GABRR3: variants seen among roughly 807,000 people sequenced by gnomAD.
GABRR3 encodes the protein gamma-aminobutyric acid receptor subunit rho-3.
A neutral mutation model predicts 43.2 loss-of-function variants in GABRR3; 29 were observed. The ratio of observed to expected loss-of-function variants is 0.67; its 90% CI spans 0.50 to 0.92. The LOEUF (loss-of-function observed/expected upper bound fraction) is 0.92, where lower values mean the gene tolerates loss of function less well. Ranked by LOEUF, GABRR3 falls within the 40% of genes least tolerant of loss-of-function variation. The pLI is 0.00. For synonymous variants in GABRR3, 206 were observed against 195.9 expected (o/e 1.05, Z -0.43); for missense variants, 576 against 572.3 (o/e 1.01, Z -0.07).
rs981083908 is a variant in GABRR3 at position 98,001,501 on chromosome 3, G to A, written c.907+114C>T. ...TACTGCAACCTGGATGTTCATCTCT[G>A]ACTATCCCTACTAAACCACCACTCT... On this transcript the variant is annotated intron_variant, in intron 8 of 9. Coordinates refer to ENST00000621172, the Ensembl canonical transcript of GABRR3. 19 of 1,113,288 alleles carry A rather than the reference G, an allele frequency of 1.7e-5. No individual in the cohort carries two copies. The African/African-American group carries it at 2.8e-4, about 17-fold the overall frequency. 69.0% of individuals were successfully genotyped at this position (1,113,288 alleles called of 1,614,324 possible). A position where few individuals can be genotyped will look rare whatever the true frequency, so the allele number is the denominator to read the frequency against.
chr3:98,018,129 G>A (rs1706896551), intron 3 of GABRR3, among the ~76,000 whole-genome samples: 1 of 151,880 alleles, frequency 6.6e-6, no homozygotes, highest in South Asian at 2.1e-4. Context: ...TATGGTAATG[G>A]TCATATCTCA....
chr3:97,991,575 G>A (rs911405182), intron 9 of GABRR3, among the ~76,000 whole-genome samples: 2 of 152,218 alleles, frequency 1.3e-5, no homozygotes, highest in Non-Finnish European at 2.9e-5. Context: ...TTGACTCAAA[G>A]GATGTAAAAT....
At chr3:98,018,450 T>A (rs895039662) in intron 3 of GABRR3, among the ~76,000 whole-genome samples, 5 of 152,178 alleles carry the variant, frequency 3.3e-5, no homozygotes, top group Non-Finnish European at 7.3e-5. Flanking sequence ...CTGACACTTG[T>A]ACAGTTGAGT....
intron 2 of GABRR3, among the ~76,000 whole-genome samples, chr3:98,033,243 C>T (rs934250782): frequency 7.2e-5 from 11 of 152,148 alleles, no homozygotes; most frequent in African/African-American, 2.4e-4. Context: ...CCCATTCTGG[C>T]TTGTGACTCA....
chr3:98,032,119 A>ATAGTATAGTATAGTATAGTG (rs1553720653), intron 2 of GABRR3, among the ~76,000 whole-genome samples: 1 of 140,692 alleles, frequency 7.1e-6, no homozygotes, highest in African/African-American at 2.6e-5. Context: ...ATAGTATAGT[A>ATAGTATAGTATAGTATAGTG]TAGTAATGGT....
chr3:98,004,308 T>A (rs563078089), intron 7 of GABRR3, among the ~76,000 whole-genome samples: 14 of 152,300 alleles, frequency 9.2e-5, no homozygotes, highest in African/African-American at 3.4e-4. Context: ...TATGACATCA[T>A]GTATCCTCAC....
chr3:97,997,298 A>G (rs986515156), intron 8 of GABRR3: 1 of 152,206 alleles, frequency 6.6e-6, no homozygotes, highest in Non-Finnish European at 1.5e-5. Flanking sequence ...GAAGGACACA[A>G]TTCCAGATTC....
In GABRR3 at chr3:98,026,224, G is replaced by A. The variant is rs145063531; in HGVS notation, c.126-545C>T. On this transcript the variant is annotated intron_variant, in intron 2 of 9. Transcript: ENST00000621172. ...GCAGAAAATACAGGGTGCAGGCTGA[G>A]AGCGCACCGGGCAGAATTCCCATCC... Among the ~76,000 whole-genome samples, 677 of 152,332 alleles carry A rather than the reference G, an allele frequency of 4.4e-3. 1 individual carries two copies. Among genetic ancestry groups the A allele is most frequent in the Non-Finnish European group, 8.0e-3 (544 of 68,022 alleles).
intron 4 of GABRR3, among the ~76,000 whole-genome samples, chr3:98,016,898 C>T (rs535486806): frequency 3.3e-4 from 50 of 152,050 alleles, no homozygotes; most frequent in Admixed American, 9.2e-4. Flanking sequence ...TGGAAAATTA[C>T]GGTTGATAAT....
chr3:97,994,033 T>G (rs890375334), intron 8 of GABRR3, among the ~76,000 whole-genome samples: 1 of 152,234 alleles, frequency 6.6e-6, no homozygotes. Context: ...TGTAAATATT[T>G]GAAATGTACA....
At chr3:98,006,415 A>T (rs1706725125) in intron 7 of GABRR3, among the ~76,000 whole-genome samples, 1 of 152,244 alleles carries the variant, frequency 6.6e-6, no homozygotes, top group South Asian at 2.1e-4. Flanking sequence ...GGAGTGAAAT[A>T]GAGAATTTCT....
intron 7 of GABRR3, among the ~76,000 whole-genome samples, chr3:98,002,437 C>G (rs369132363): frequency 6.6e-6 from 1 of 152,168 alleles, no homozygotes; most frequent in African/African-American, 2.4e-5. Flanking sequence ...TCCACACACA[C>G]ATTTTGTTCA....
intron 8 of GABRR3, among the ~76,000 whole-genome samples, chr3:97,994,653 T>C (rs1459929523): frequency 6.6e-6 from 1 of 152,224 alleles, no homozygotes; most frequent in Non-Finnish European, 1.5e-5. Flanking sequence ...CAGGTATAGC[T>C]GAAGCCAAGA....
chr3:98,031,188 C>T (rs542200070), intron 2 of GABRR3, among the ~76,000 whole-genome samples: 1 of 152,254 alleles, frequency 6.6e-6, no homozygotes, highest in East Asian at 1.9e-4. Flanking sequence ...AAAAGCCAGC[C>T]AGAGAGAATG....
Position 97,996,940 on chromosome 3 carries a change from G to A in GABRR3, c.908-3892C>T, listed in dbSNP as rs371806091. Among the ~76,000 whole-genome samples, 227 of 152,194 alleles carry A rather than the reference G, an allele frequency of 1.5e-3. 1 individual carries two copies. The highest frequency in any genetic ancestry group is 5.2e-3 in the African/African-American group (215 of 41,512). ...TCCAGTTAGCAACGAAAAATATGGT[G>A]GTCTAAACACTGGCAACTTAACAAC... On this transcript the variant is annotated intron_variant, in intron 8 of 9. Transcript: ENST00000621172.
At chr3:97,986,380 TTAAA>T (rs1158063202), downstream of GABRR3, among the ~76,000 whole-genome samples, 1 of 152,218 alleles carries the variant, frequency 6.6e-6, no homozygotes, top group African/African-American at 2.4e-5. Flanking sequence ...TCTTCCCTAG[TTAAA>T]TAAAGAACAT....
rs140851244 is a variant in GABRR3, at chr3:98,010,997, G to A, written c.530+1347C>T. Among the ~76,000 whole-genome samples, 1,223 of 152,216 alleles carry A rather than the reference G, an allele frequency of 8.0e-3. 12 individuals carry two copies. The highest frequency in any genetic ancestry group is 0.028 in the African/African-American group (1,172 of 41,534). On this transcript the variant is annotated intron_variant, in intron 5 of 9. Coordinates refer to ENST00000621172, the Ensembl canonical transcript of GABRR3. ...CACCTGTGACCCCAGCTACTCAGGA[G>A]GCTGAGGCAGGAGAATCGCTTGAAC...
At chr3:98,017,110 G>A (rs1027643213) in intron 4 of GABRR3, among the ~76,000 whole-genome samples, 3 of 152,066 alleles carry the variant, frequency 2.0e-5, no homozygotes, top group Non-Finnish European at 4.4e-5. Context: ...TTAAATAATG[G>A]CAGTCTTTTT....
At position 98,001,809 on chromosome 3, in the gene GABRR3, C is replaced by G. The variant is rs1370368039; in HGVS notation, c.755-42G>C. On this transcript the variant is annotated intron_variant, in intron 7 of 9. Coordinates refer to ENST00000621172, the Ensembl canonical transcript of GABRR3. ...AAGTTTTCATTAGAGCAAGCTTCCCCTTAGAAACACTGCACTTAGTGAAAT... is the reference window on the plus strand; with the variant it reads ...AAGTTTTCATTAGAGCAAGCTTCCCGTTAGAAACACTGCACTTAGTGAAAT... 1.9e-6 allele frequency: 3 copies of G among 1,607,404 alleles called. No individual in the cohort carries two copies. In the African/African-American group the frequency reaches 4.0e-5, roughly 22 times the overall value.
Sources: allele counts gnomAD v4.1 joint callset (sites outside exome capture counted in the v4.1 genomes callset), GRCh38; gene constraint gnomAD v4.1.1; transcripts MANE v1.5; gene names NCBI Gene and HGNC (gene_info 2026-07-23, HGNC 2026-07-21).